The following RTTN variants were observed in gnomAD, a reference collection of about 807,000 sequenced individuals.
The protein encoded by RTTN is rotatin.
Under a neutral mutation model 269.2 loss-of-function variants are expected in RTTN, and 182 were observed. The observed-to-expected ratio is 0.68, with a 90% CI of 0.60 to 0.76. The LOEUF (loss-of-function observed/expected upper bound fraction) is 0.76. RTTN is among the 30% of genes least tolerant of loss of function. The pLI, the probability that RTTN is intolerant of heterozygous loss-of-function variation, is 0.00. For missense variants in RTTN, 2,545 were observed against 2,608.6 expected, an observed-to-expected ratio of 0.98 and a Z score of 0.53; for synonymous variants, 1,006 against 963.5, an observed-to-expected ratio of 1.04 and a Z score of -0.82.
intron 43 of RTTN, among the ~76,000 whole-genome samples, chr18:70,025,526 C>T (rs963478040): frequency 4.6e-5 from 7 of 152,164 alleles, no homozygotes; most frequent in African/African-American, 1.7e-4. Context: ...AATACACACA[C>T]CCTATACGAT....
chr18:70,047,757 A>G (rs1038514671), intron 40 of RTTN, among the ~76,000 whole-genome samples: 2 of 152,236 alleles, frequency 1.3e-5, no homozygotes, highest in Non-Finnish European at 2.9e-5. Flanking sequence ...TCTTTACATC[A>G]TATTCACTGA....
intron 34 of RTTN, 69 bp from the exon 35 acceptor site, chr18:70,065,991 C>T (rs2058123039): frequency 9.4e-7 from 1 of 1,062,182 alleles, no homozygotes. Context: ...GCAACATACA[C>T]ACAAGATATC....
chr18:70,150,279 C>A, intron 15 of RTTN, 192 bp from the exon 16 acceptor site: 2 of 569,804 alleles, frequency 3.5e-6, no homozygotes, highest in Non-Finnish European at 6.2e-6. Context: ...TAATTTTTTA[C>A]CTTTAATGTA....
At chr18:70,149,345 C>T (rs2060477860) in intron 16 of RTTN, among the ~76,000 whole-genome samples, 1 of 151,924 alleles carries the variant, frequency 6.6e-6, no homozygotes, top group Non-Finnish European at 1.5e-5. Flanking sequence ...CCTCACAGAT[C>T]CTCAGCCCAT....
At chr18:70,022,249 C>A (rs946866901) in intron 44 of RTTN, among the ~76,000 whole-genome samples, 1 of 152,018 alleles carries the variant, frequency 6.6e-6, no homozygotes, top group Non-Finnish European at 1.5e-5. Context: ...GTGTTCTCTC[C>A]TAAATGAAGA....
intron 45 of RTTN, 62 bp downstream of exon 45, chr18:70,020,553 T>C: frequency 7.3e-7 from 1 of 1,371,910 alleles, no homozygotes; most frequent in South Asian, 1.4e-5. Context: ...TGTAAACTTT[T>C]GATTGGAAAG....
rs1424461689 is a variant in RTTN, at chr18:70,084,452, C to G, written c.4374+2161G>C. On this transcript the variant is annotated intron_variant, in intron 32 of 48. Coordinates refer to ENST00000640769, the MANE Select transcript of RTTN (RefSeq NM_173630.4). Reference sequence around the variant, plus strand: ...CCCCTTTTTCATGGTTGCAAAGGACCATGTGCCCCACTAGCTGCACCCAGA... The same window carrying G: ...CCCCTTTTTCATGGTTGCAAAGGACGATGTGCCCCACTAGCTGCACCCAGA... Among the ~76,000 whole-genome samples, 5 of 152,096 alleles carry G rather than the reference C, an allele frequency of 3.3e-5. No individual in the cohort carries two copies. In the East Asian group the frequency reaches 9.7e-4, roughly 29 times the overall value.
At chr18:70,168,049 A>G (rs2061037816) in intron 12 of RTTN, among the ~76,000 whole-genome samples, 1 of 151,434 alleles carries the variant, frequency 6.6e-6, no homozygotes, top group African/African-American at 2.4e-5. Flanking sequence ...TTAGGAGGCC[A>G]AGGCAGATGG....
intron 45 of RTTN, chr18:70,020,038 A>G (rs2056656378): frequency 6.6e-6 from 1 of 152,004 alleles, no homozygotes; most frequent in Admixed American, 6.5e-5. Context: ...TACACATCTA[A>G]ATACAGAATA....
At chr18:70,178,697 A>C (rs1487746133) in intron 10 of RTTN, among the ~76,000 whole-genome samples, 1 of 152,084 alleles carries the variant, frequency 6.6e-6, no homozygotes, top group African/African-American at 2.4e-5. Context: ...TATAAGTAAA[A>C]AAAGAAAATA....
intron 14 of RTTN, among the ~76,000 whole-genome samples, chr18:70,159,709 C>A (rs1001641874): frequency 6.6e-6 from 1 of 151,918 alleles, no homozygotes; most frequent in African/African-American, 2.4e-5. Flanking sequence ...AAAAAAGAGA[C>A]AATCCAAATA....
chr18:70,140,134 T>A lies in RTTN; in HGVS notation c.2636A>T (p.Glu879Val), dbSNP rs1403643500. 3 of 1,600,422 alleles carry A rather than the reference T, an allele frequency of 1.9e-6. No individual in the cohort carries two copies. The highest frequency in any genetic ancestry group is 8.6e-7 in the Non-Finnish European group (1 of 1,168,310). Residue 879 changes from glutamate to valine, a missense_variant, in exon 20 of 49, where the codon GAG (glutamate) becomes GTG (valine). Physicochemically the swap from Glu to Val is moderately radical, Grantham distance 121. Coordinates refer to ENST00000640769, the MANE Select transcript of RTTN (RefSeq NM_173630.4). ...TTGACTCACACATTCATTTAAATACTCAATTATTTTGTCAATTAAGCATAA... is the reference window on the plus strand; with the variant it reads ...TTGACTCACACATTCATTTAAATACACAATTATTTTGTCAATTAAGCATAA... The part of the protein sequence containing the change: ...KKLCLIDKII[E>V]YLNECVSQDG...
chr18:70,108,276 C>CAAAA (rs71178848), intron 28 of RTTN, among the ~76,000 whole-genome samples: 1 of 146,228 alleles, frequency 6.8e-6, no homozygotes, highest in African/African-American at 2.6e-5. Flanking sequence ...GACTCTGTCT[C>CAAAA]AAAAAAAAAA....
chr18:70,005,452 T>C, intron 47 of RTTN, 185 bp from the exon 48 acceptor site: 3 of 422,514 alleles, frequency 7.1e-6, no homozygotes, highest in Non-Finnish European at 1.2e-5. Context: ...TTCTGAAGTC[T>C]TGCCCATATC....
rs201443817 is a variant in RTTN at position 70,168,868 on chromosome 18, T to G, written c.1676A>C (p.Asp559Ala). ...AAAGCTTTTTACCTCTTTCCCAATATCAGACAGGAAGTTACAGGTGCATTC... is the reference window on the plus strand; with the variant it reads ...AAAGCTTTTTACCTCTTTCCCAATAGCAGACAGGAAGTTACAGGTGCATTC... ...SIECTCNFLSDIGKEGEKNLL... is the reference protein window; with the variant it reads ...SIECTCNFLSAIGKEGEKNLL... The change falls in exon 12 of 49, where the codon GAT (aspartate) becomes GCT (alanine). Residue 559 changes from aspartate (D) to alanine (A), a missense_variant. Physicochemically the swap from Asp to Ala is moderately radical, Grantham distance 126 (BLOSUM62 -2). Coordinates refer to ENST00000640769, the MANE Select transcript of RTTN (RefSeq NM_173630.4). The G allele has an allele frequency of 9.1e-5, 147 of 1,606,884 alleles. 1 individual carries two copies. The African/African-American group carries it at 1.8e-3, about 20-fold the overall frequency.
chr18:70,178,355 C>G (rs1568521216), intron 10 of RTTN, among the ~76,000 whole-genome samples: 1 of 151,970 alleles, frequency 6.6e-6, no homozygotes, highest in Non-Finnish European at 1.5e-5. Context: ...AAGCCAGATA[C>G]AAAAAGACAA....
intron 21 of RTTN, among the ~76,000 whole-genome samples, chr18:70,137,370 T>C (rs2060149537): frequency 6.6e-6 from 1 of 152,196 alleles, no homozygotes; most frequent in South Asian, 2.1e-4. Flanking sequence ...TATAGAATTC[T>C]GTCATAACAT....
chr18:70,136,663 T>A (rs908603113), intron 21 of RTTN, among the ~76,000 whole-genome samples: 1 of 151,960 alleles, frequency 6.6e-6, no homozygotes, highest in African/African-American at 2.4e-5. Flanking sequence ...TTAAAAAAAA[T>A]TAATGAGACA....
At chr18:70,167,434 C>G (rs1429279106) in intron 12 of RTTN, among the ~76,000 whole-genome samples, 1 of 152,118 alleles carries the variant, frequency 6.6e-6, no homozygotes, top group African/African-American at 2.4e-5. Flanking sequence ...ATTAACTGAC[C>G]ACACAAAATG....
Sources: gnomAD v4.1 joint callset for allele counts (sites outside exome capture counted in the v4.1 genomes callset) on GRCh38, gnomAD v4.1.1 for gene constraint, MANE v1.5 for transcripts, NCBI Gene and HGNC (gene_info 2026-07-23, HGNC 2026-07-21) for gene names.